Variants in PCDH15 observed in about 807,000 individuals in gnomAD.
PCDH15 encodes the protein protocadherin related 15.
A neutral mutation model predicts 178.5 loss-of-function variants in PCDH15; 129 were observed. The ratio of observed to expected loss-of-function variants is 0.72; its 90% confidence interval spans 0.63 to 0.84. PCDH15 has a LOEUF of 0.84. Ranked by LOEUF, PCDH15 falls within the 40% of genes least tolerant of loss-of-function variation. The probability of loss-of-function intolerance (pLI) is 0.00; values close to 1 mark genes in which losing one functional copy is unlikely to be tolerated. For synonymous variants in PCDH15, 800 were observed against 732.0 expected, an observed-to-expected ratio of 1.09 and a Z score of -1.50; for missense variants, 2,230 against 2,099.9, an observed-to-expected ratio of 1.06 and a Z score of -1.21.
chr10:54,460,658 G>A, intron 3 of PCDH15, among the ~76,000 whole-genome samples: 1 of 152,052 alleles, frequency 6.6e-6, no homozygotes, highest in East Asian at 1.9e-4. Context: ...TTTAATATAG[G>A]GAGTGAGGGA....
chr10:55,381,568 C>T (rs1837535094), intron 2 of PCDH15, among the ~76,000 whole-genome samples: 1 of 152,056 alleles, frequency 6.6e-6, no homozygotes, highest in Non-Finnish European at 1.5e-5. Context: ...AGGGTATGGG[C>T]CTCCAAATCA....
intron 2 of PCDH15, among the ~76,000 whole-genome samples, chr10:55,078,616 G>A (rs1841967218): frequency 6.6e-6 from 1 of 151,774 alleles, no homozygotes; most frequent in African/African-American, 2.4e-5. Context: ...TGAAGCCCTT[G>A]AATATAATTT....
At chr10:53,911,167 C>T (rs946222667) in intron 25 of PCDH15, among the ~76,000 whole-genome samples, 1 of 152,082 alleles carries the variant, frequency 6.6e-6, no homozygotes, top group African/African-American at 2.4e-5. Context: ...CAGAGAACAC[C>T]ACAAAGATAC....
chr10:54,768,751 C>T (rs1179075843), intron 1 of PCDH15, among the ~76,000 whole-genome samples: 1 of 152,082 alleles, frequency 6.6e-6, no homozygotes, highest in Non-Finnish European at 1.5e-5. Context: ...GCATGAAACC[C>T]AAGTGCCTTA....
intron 2 of PCDH15, among the ~76,000 whole-genome samples, chr10:55,513,556 A>G (rs540590556): frequency 6.6e-5 from 10 of 152,150 alleles, no homozygotes; most frequent in Non-Finnish European, 1.5e-4. Context: ...ATAATGTTGG[A>G]ACAATGTACA....
intron 1 of PCDH15, among the ~76,000 whole-genome samples, chr10:54,785,597 A>G (rs944581059): frequency 1.3e-5 from 2 of 151,990 alleles, no homozygotes; most frequent in Non-Finnish European, 1.5e-5. Context: ...CAGAATCTCA[A>G]AATTCCCTTG....
chr10:54,804,566 A>C (rs990558553), upstream of PCDH15, among the ~76,000 whole-genome samples: 38 of 152,096 alleles, frequency 2.5e-4, no homozygotes, highest in Non-Finnish European at 5.1e-4. Context: ...TCCAAAAAAA[A>C]AGAAAATGAA....
chr10:54,020,831 T>C (rs953168510), intron 19 of PCDH15, among the ~76,000 whole-genome samples: 1 of 152,084 alleles, frequency 6.6e-6, no homozygotes. Flanking sequence ...TGAACAAATA[T>C]TTTAAATAAA....
intron 4 of PCDH15, among the ~76,000 whole-genome samples, chr10:54,370,844 T>C (rs575305308): frequency 3.3e-5 from 5 of 151,994 alleles, no homozygotes; most frequent in African/African-American, 1.2e-4. Context: ...AGGAAATCAT[T>C]ATTTAGTTTC....
intron 2 of PCDH15, among the ~76,000 whole-genome samples, chr10:55,034,783 A>G (rs533478401): frequency 6.6e-6 from 1 of 152,314 alleles, no homozygotes; most frequent in South Asian, 2.1e-4. Flanking sequence ...CATTTTGATA[A>G]ACACCCTTTT....
intron 8 of PCDH15, among the ~76,000 whole-genome samples, chr10:54,253,886 G>A (rs2056697831): frequency 6.6e-6 from 1 of 151,562 alleles, no homozygotes; most frequent in South Asian, 2.1e-4. Context: ...TTTAATACTA[G>A]GAAGAAAAAG....
intron 3 of PCDH15, among the ~76,000 whole-genome samples, chr10:54,468,836 T>C (rs192405763): frequency 1.3e-5 from 2 of 152,306 alleles, no homozygotes; most frequent in South Asian, 4.1e-4. Context: ...CTCCAGTGTT[T>C]GCTGTGCATA....
chr10:54,101,828 AGCTGTGTGTG>A (rs2094817975), intron 15 of PCDH15, among the ~76,000 whole-genome samples: 1 of 152,034 alleles, frequency 6.6e-6, no homozygotes, highest in African/African-American at 2.4e-5. Flanking sequence ...TAAGAAAATT[AGCTGTGTGTG>A]GTGTTGTGCA....
chr10:54,530,796 T>C (rs2083827494), intron 2 of PCDH15, among the ~76,000 whole-genome samples: 3 of 152,212 alleles, frequency 2.0e-5, no homozygotes, highest in African/African-American at 4.8e-5. Context: ...AAAAATAATT[T>C]AAACTTTTTT....
chr10:53,980,581 A>G (rs1331130806), intron 21 of PCDH15, among the ~76,000 whole-genome samples: 2 of 152,316 alleles, frequency 1.3e-5, no homozygotes, highest in East Asian at 3.9e-4. Flanking sequence ...GTGAGGAGAA[A>G]GAGGAGGAAA....
intron 2 of PCDH15, among the ~76,000 whole-genome samples, chr10:54,899,286 T>C (rs916455739): frequency 6.6e-6 from 1 of 152,160 alleles, no homozygotes; most frequent in African/African-American, 2.4e-5. Flanking sequence ...AATTTTTATC[T>C]TAATATTTCA....
chr10:54,537,614 T>C (rs574584642), intron 2 of PCDH15, among the ~76,000 whole-genome samples: 1 of 152,324 alleles, frequency 6.6e-6, no homozygotes, highest in African/African-American at 2.4e-5. Flanking sequence ...CAAGATTGGT[T>C]CAATGTATGC....
At chr10:54,611,319 T>C (rs565003692) in intron 2 of PCDH15, among the ~76,000 whole-genome samples, 17 of 151,910 alleles carry the variant, frequency 1.1e-4, no homozygotes, top group Middle Eastern at 3.4e-3. Context: ...TTTAAGTGAA[T>C]TGGATTAGAA....
At chr10:55,170,235 G>A (rs1235408815) in intron 1 of PCDH15, among the ~76,000 whole-genome samples, 1 of 151,936 alleles carries the variant, frequency 6.6e-6, no homozygotes. Context: ...CTACAGGCTT[G>A]ACCTCCTGGG....
Sources: gnomAD v4.1 joint callset for allele counts (sites outside exome capture counted in the v4.1 genomes callset) on GRCh38, gnomAD v4.1.1 for gene constraint, MANE v1.5 for transcripts, NCBI Gene and HGNC (gene_info 2026-07-23, HGNC 2026-07-21) for gene names.